The following KDM4C variants were observed in gnomAD, a reference collection of about 807,000 sequenced individuals.
KDM4C encodes lysine-specific demethylase 4C.
A neutral mutation model predicts 129.3 loss-of-function variants in KDM4C; 81 were observed. The ratio of observed to expected loss-of-function variants is 0.63; its 90% CI spans 0.52 to 0.75. The LOEUF (loss-of-function observed/expected upper bound fraction) is 0.75, where lower values mean the gene tolerates loss of function less well. Ranked by LOEUF, KDM4C falls within the 30% of genes least tolerant of loss-of-function variation. KDM4C has a pLI of 0.00. For synonymous variants in KDM4C, 573 were observed against 456.1 expected, an observed-to-expected ratio of 1.26 and a Z score of -3.26; for missense variants, 1,457 against 1,304.0, an observed-to-expected ratio of 1.12 and a Z score of -1.81.
At chr9:7,044,910 G>A (rs191556145) in intron 15 of KDM4C, among the ~76,000 whole-genome samples, 2 of 152,062 alleles carry the variant, frequency 1.3e-5, no homozygotes, top group African/African-American at 2.4e-5. Flanking sequence ...AGGACAATGA[G>A]GAGTCTAAGG....
intron 4 of KDM4C, among the ~76,000 whole-genome samples, chr9:6,821,759 C>T (rs749611605): frequency 7.2e-5 from 11 of 151,970 alleles, no homozygotes; most frequent in Admixed American, 2.0e-4. Context: ...CTTAGCCTCC[C>T]GAGTAGCTGG....
chr9:7,015,430 T>G (rs1341775519), intron 14 of KDM4C, among the ~76,000 whole-genome samples: 1 of 152,186 alleles, frequency 6.6e-6, no homozygotes, highest in African/African-American at 2.4e-5. Flanking sequence ...ACTCTGAATT[T>G]GCAGCATTTG....
At chr9:6,989,288 G>C (rs1239310983) in intron 11 of KDM4C, among the ~76,000 whole-genome samples, 1 of 152,276 alleles carries the variant, frequency 6.6e-6, no homozygotes, top group African/African-American at 2.4e-5. Flanking sequence ...TGCTTCTTCA[G>C]CTTACCGGGA....
At chr9:6,768,766 T>G (rs1338804080) in intron 1 of KDM4C, among the ~76,000 whole-genome samples, 1 of 152,092 alleles carries the variant, frequency 6.6e-6, no homozygotes, top group East Asian at 1.9e-4. Context: ...CTTGACACTT[T>G]TTGTTTTTCT....
intron 21 of KDM4C, among the ~76,000 whole-genome samples, 184 bp from the exon 22 acceptor site, chr9:7,174,369 G>T (rs1845251799): frequency 6.6e-6 from 1 of 152,172 alleles, no homozygotes; most frequent in Non-Finnish European, 1.5e-5. Flanking sequence ...AGGGCTAAAT[G>T]GAGCCCCCCA....
intron 17 of KDM4C, among the ~76,000 whole-genome samples, chr9:7,101,001 C>T (rs929868887): frequency 5.9e-5 from 9 of 152,146 alleles, no homozygotes; most frequent in Non-Finnish European, 1.5e-5. Flanking sequence ...ATGGCACTGT[C>T]TCTTGTTTGT....
chr9:6,875,049 A>G (rs1843349992), intron 5 of KDM4C, among the ~76,000 whole-genome samples: 1 of 152,068 alleles, frequency 6.6e-6, no homozygotes, highest in Admixed American at 6.6e-5. Flanking sequence ...CACCAGACTG[A>G]CCCTAAAGTC....
intron 17 of KDM4C, among the ~76,000 whole-genome samples, chr9:7,057,408 A>G (rs2132646699): frequency 6.6e-6 from 1 of 152,378 alleles, no homozygotes; most frequent in Middle Eastern, 3.4e-3. Flanking sequence ...CATAATTATA[A>G]GAAGCCTCCC....
At chr9:6,880,450 A>G (rs1195069608) in intron 6 of KDM4C, among the ~76,000 whole-genome samples, 1 of 152,002 alleles carries the variant, frequency 6.6e-6, no homozygotes, top group Non-Finnish European at 1.5e-5. Context: ...ATCTTGGGGT[A>G]TGGTTTTTTC....
intron 7 of KDM4C, among the ~76,000 whole-genome samples, chr9:6,889,759 G>C (rs1193612317): frequency 6.6e-6 from 1 of 152,256 alleles, no homozygotes; most frequent in Non-Finnish European, 1.5e-5. Flanking sequence ...TTTGGGGCTG[G>C]TGTTAGGTGT....
intron 17 of KDM4C, among the ~76,000 whole-genome samples, chr9:7,087,979 A>G (rs1272116920): frequency 3.3e-5 from 5 of 152,236 alleles, no homozygotes; most frequent in Non-Finnish European, 1.5e-5. Flanking sequence ...GTGGCTTTGC[A>G]CTAGAATTGC....
At chr9:6,931,471 G>A (rs144132951) in intron 8 of KDM4C, among the ~76,000 whole-genome samples, 94 of 152,006 alleles carry the variant, frequency 6.2e-4, no homozygotes, top group African/African-American at 2.2e-3. Flanking sequence ...TGTTGGGTCT[G>A]TGGATGTCAG....
At chr9:6,925,660 G>A (rs1278201865) in intron 8 of KDM4C, 4 of 984,616 alleles carry the variant, frequency 4.1e-6, no homozygotes, top group Non-Finnish European at 4.8e-6. Context: ...GAAAGATGCT[G>A]TTCGGAGAAC....
chr9:6,973,990 G>T (rs974737422), intron 8 of KDM4C: 48 of 152,210 alleles, frequency 3.2e-4, no homozygotes, highest in African/African-American at 1.1e-3. Context: ...TACTCATTAT[G>T]TTCCTGTGTA....
intron 11 of KDM4C, among the ~76,000 whole-genome samples, chr9:6,989,079 A>G (rs949835395): frequency 6.6e-6 from 1 of 152,210 alleles, no homozygotes; most frequent in Admixed American, 6.5e-5. Flanking sequence ...GGTGCATAGT[A>G]GTGTGTTGAT....
intron 5 of KDM4C, among the ~76,000 whole-genome samples, chr9:6,876,011 G>A (rs1046683404): frequency 2.0e-5 from 3 of 152,160 alleles, no homozygotes; most frequent in Non-Finnish European, 4.4e-5. Context: ...AGAGAACATA[G>A]GGCCTGATCA....
At chr9:7,118,990 G>T (rs3802401) in intron 18 of KDM4C, among the ~76,000 whole-genome samples, 13 of 151,898 alleles carry the variant, frequency 8.6e-5, no homozygotes, top group East Asian at 3.9e-4. Context: ...CTGTGCTCTT[G>T]CCCTAGAGAT....
intron 8 of KDM4C, among the ~76,000 whole-genome samples, chr9:6,934,477 C>CAA (rs79283241): frequency 3.8e-5 from 5 of 130,652 alleles, no homozygotes; most frequent in South Asian, 2.4e-4. Context: ...AAGACCCCGC[C>CAA]AAAAAAAAAA....
intron 12 of KDM4C, among the ~76,000 whole-genome samples, chr9:7,001,654 G>T (rs990732125): frequency 6.6e-6 from 1 of 152,090 alleles, no homozygotes; most frequent in Non-Finnish European, 1.5e-5. Context: ...GATCTGCCAC[G>T]TGATAACTCC....
Sources: allele counts gnomAD v4.1 joint callset (sites outside exome capture counted in the v4.1 genomes callset), GRCh38; gene constraint gnomAD v4.1.1; transcripts MANE v1.5; gene names NCBI Gene and HGNC (gene_info 2026-07-23, HGNC 2026-07-21).